Variants in RABEP1 observed in about 807,000 individuals in gnomAD.
The protein encoded by RABEP1 is rabaptin, RAB GTPase binding effector protein 1.
RABEP1 carries 51 observed loss-of-function variants against 123.4 expected under a neutral mutation model. The observed-to-expected ratio is 0.41, with a 90% CI of 0.33 to 0.52. The LOEUF (loss-of-function observed/expected upper bound fraction) is 0.52. Among genes scored for constraint, RABEP1 ranks in the 20% least tolerant of loss-of-function variants. RABEP1 has a pLI of 0.16. For synonymous variants in RABEP1, 347 were observed against 355.2 expected, an observed-to-expected ratio of 0.98 and a Z score of 0.26; for missense variants, 888 against 996.3, an observed-to-expected ratio of 0.89 and a Z score of 1.46.
intron 15 of RABEP1, among the ~76,000 whole-genome samples, chr17:5,379,015 C>T (rs1911228384): frequency 6.6e-6 from 1 of 152,164 alleles, no homozygotes; most frequent in South Asian, 2.1e-4. Flanking sequence ...CTGCTGATGC[C>T]ACGAGACTTG....
intron 11 of RABEP1, among the ~76,000 whole-genome samples, chr17:5,367,390 G>A (rs962662213): frequency 6.6e-6 from 1 of 151,688 alleles, no homozygotes; most frequent in Non-Finnish European, 1.5e-5. Context: ...TCCTGCCTCA[G>A]CCTCCTGAGT....
intron 1 of RABEP1, among the ~76,000 whole-genome samples, chr17:5,286,292 A>T (rs1044358155): frequency 2.6e-5 from 4 of 152,178 alleles, no homozygotes; most frequent in African/African-American, 9.6e-5. Flanking sequence ...TCAGGCGTTC[A>T]AGACCAGCCT....
intron 8 of RABEP1, among the ~76,000 whole-genome samples, chr17:5,358,749 T>C (rs1909242906): frequency 6.6e-6 from 1 of 152,076 alleles, no homozygotes; most frequent in African/African-American, 2.4e-5. Context: ...TAGTCTGATG[T>C]GGGGTCTTTT....
chr17:5,371,068 G>A (rs1441529438), intron 12 of RABEP1, among the ~76,000 whole-genome samples: 1 of 151,856 alleles, frequency 6.6e-6, no homozygotes, highest in Non-Finnish European at 1.5e-5. Flanking sequence ...CCGGGCTCAC[G>A]CCATTCTCCT....
At chr17:5,357,725 T>C (rs894280368) in intron 8 of RABEP1, among the ~76,000 whole-genome samples, 1 of 152,108 alleles carries the variant, frequency 6.6e-6, no homozygotes, top group African/African-American at 2.4e-5. Flanking sequence ...GGGAGTTCAA[T>C]GCCCCTGAAA....
Position 5,354,434 on chromosome 17 carries a change from C to T in RABEP1, c.1039C>T (p.Pro347Ser). ...AGATGTTGAGGAAGAAATAAAAATA[C>T]CAGTAGTGTGTGCTTTAACTCAAGA... ...KADVEEEIKIPVVCALTQEES... is the reference protein window; with the variant it reads ...KADVEEEIKISVVCALTQEES... Residue 347 changes from proline (P) to serine (S), a missense_variant, in exon 8 of 18, where the codon CCA becomes TCA. Pro to Ser is a moderately conservative substitution (Grantham distance 74, BLOSUM62 -1). Transcript: ENST00000537505. 6.2e-7 allele frequency: 1 copy of T among 1,612,850 alleles called. No homozygotes were observed. Among genetic ancestry groups the T allele is most frequent in the Non-Finnish European group, 8.5e-7 (1 of 1,179,344 alleles).
In RABEP1 at chr17:5,284,759, T is replaced by C. The variant is rs1189932132; in HGVS notation, c.34+2239T>C. Reference sequence around the variant, plus strand: ...AGGATTGTAGGTGTGAGCCCGTGAGTCCGGCTTTTGGGGATTTAATTTGTG... The same window carrying C: ...AGGATTGTAGGTGTGAGCCCGTGAGCCCGGCTTTTGGGGATTTAATTTGTG... On this transcript the variant is annotated intron_variant, in intron 1 of 17. Transcript: ENST00000537505. 2.0e-5 allele frequency among the ~76,000 whole-genome samples: 3 copies of C among 151,976 alleles called. No individual in the cohort carries two copies. In the East Asian group the frequency reaches 5.8e-4, roughly 29 times the overall value.
chr17:5,324,791 A>G (rs1905808405), intron 2 of RABEP1, among the ~76,000 whole-genome samples: 1 of 152,210 alleles, frequency 6.6e-6, no homozygotes. Context: ...GGTATGTGAA[A>G]AGATGCTCAA....
chr17:5,289,837 T>G lies in RABEP1; in HGVS notation c.34+7317T>G, dbSNP rs554390680. Reference sequence around the variant, plus strand: ...CCTTTGAACTAGCAGAGATACTTAATCTGAAAAACAAAAGCCCTGCACTTA... The same window carrying G: ...CCTTTGAACTAGCAGAGATACTTAAGCTGAAAAACAAAAGCCCTGCACTTA... On this transcript the variant is annotated intron_variant, in intron 1 of 17. Transcript: ENST00000537505. Among the ~76,000 whole-genome samples, 583 of 152,292 alleles carry G rather than the reference T, an allele frequency of 3.8e-3. 2 individuals carry two copies. The highest frequency in any genetic ancestry group is 0.013 in the African/African-American group (554 of 41,574).
chr17:5,363,376 C>T lies in RABEP1; in HGVS notation c.1668+360C>T, dbSNP rs565810606. Among the ~76,000 whole-genome samples the T allele has an allele frequency of 5.3e-5, 8 of 152,032 alleles. No homozygotes were observed. In the South Asian group the frequency reaches 1.7e-3, roughly 32 times the overall value. ...CTGGGATTACAGGGACACGCCACCACCCCCAGCTATTTTTTGTATTTTTAG... is the reference window on the plus strand; with the variant it reads ...CTGGGATTACAGGGACACGCCACCATCCCCAGCTATTTTTTGTATTTTTAG... On this transcript the variant is annotated intron_variant, in intron 10 of 17. Transcript: ENST00000537505.
rs1418378748 is a variant in RABEP1 at position 5,383,497 on chromosome 17, T to C, written c.*274T>C. 5 of 399,568 alleles carry C rather than the reference T, an allele frequency of 1.3e-5. No homozygotes were observed. Among genetic ancestry groups the C allele is most frequent in the Non-Finnish European group, 2.3e-5 (5 of 217,854 alleles). 24.8% of individuals were successfully genotyped at this position (399,568 alleles called of 1,614,324 possible). A position where few individuals can be genotyped will look rare whatever the true frequency, so the allele number is the denominator to read the frequency against. On this transcript the variant is annotated 3_prime_UTR_variant, in exon 18 of 18. Coordinates refer to ENST00000537505, the MANE Select transcript of RABEP1 (RefSeq NM_004703.6). ...TCAGATTTGGTGATGGAAAAAGCGCTGTTTCCTTGCCTGCTTTCTCCAAGA... is the reference window on the plus strand; with the variant it reads ...TCAGATTTGGTGATGGAAAAAGCGCCGTTTCCTTGCCTGCTTTCTCCAAGA...
chr17:5,351,886 G>T (rs1908585506), intron 7 of RABEP1, among the ~76,000 whole-genome samples: 1 of 151,474 alleles, frequency 6.6e-6, no homozygotes, highest in Admixed American at 6.6e-5. Context: ...AGTGTAGATG[G>T]ATGCACCATA....
intron 13 of RABEP1, among the ~76,000 whole-genome samples, chr17:5,376,514 AAAAG>A (rs763473805): frequency 1.3e-5 from 2 of 152,204 alleles, no homozygotes; most frequent in African/African-American, 2.4e-5. Flanking sequence ...AAGGATTTCT[AAAAG>A]AAGACAGAAC....
intron 16 of RABEP1, 105 bp from the exon 17 acceptor site, chr17:5,381,284 T>A: frequency 1.3e-6 from 2 of 1,505,480 alleles, no homozygotes; most frequent in Non-Finnish European, 1.8e-6. Flanking sequence ...GCGACGGATA[T>A]CCACCCACCT....
At chr17:5,344,061 A>G (rs887136550) in intron 5 of RABEP1, among the ~76,000 whole-genome samples, 1 of 152,084 alleles carries the variant, frequency 6.6e-6, no homozygotes, top group African/African-American at 2.4e-5. Context: ...GTTCTTTGTT[A>G]AAAGATACTA....
chr17:5,311,689 C>T lies in RABEP1; in HGVS notation c.163+2867C>T, dbSNP rs1168554865. Among the ~76,000 whole-genome samples the T allele has an allele frequency of 3.3e-5, 3 of 90,308 alleles. No individual in the cohort carries two copies. The Admixed American group carries it at 5.7e-4, about 17-fold the overall frequency. 59.2% of individuals were successfully genotyped at this position (90,308 alleles called of 152,430 possible). ...CCATCCAGCCTGGGTGACAGAGCGACTTCATCTCAAAAAAAAAAAAAAAAA... is the reference window on the plus strand; with the variant it reads ...CCATCCAGCCTGGGTGACAGAGCGATTTCATCTCAAAAAAAAAAAAAAAAA... On this transcript the variant is annotated intron_variant, in intron 2 of 17. Coordinates refer to ENST00000537505, the MANE Select transcript of RABEP1 (RefSeq NM_004703.6).
At chr17:5,304,039 A>AT (rs899826012) in intron 1 of RABEP1, among the ~76,000 whole-genome samples, 13 of 131,590 alleles carry the variant, frequency 9.9e-5, no homozygotes, top group Middle Eastern at 3.9e-3. Flanking sequence ...CATCTCAAAA[A>AT]AAAAAAATAA....
chr17:5,318,518 G>A (rs1004041674), intron 2 of RABEP1, among the ~76,000 whole-genome samples: 3 of 152,124 alleles, frequency 2.0e-5, no homozygotes, highest in Non-Finnish European at 4.4e-5. Flanking sequence ...GATAATATAA[G>A]AAAATTATGG....
At chr17:5,306,498 T>A (rs986397679) in intron 1 of RABEP1, among the ~76,000 whole-genome samples, 8 of 151,872 alleles carry the variant, frequency 5.3e-5, no homozygotes, top group African/African-American at 1.9e-4. Flanking sequence ...CGTGGTGGCA[T>A]GTGCCTGTAC....
Sources: gnomAD v4.1 joint callset for allele counts (sites outside exome capture counted in the v4.1 genomes callset) on GRCh38, gnomAD v4.1.1 for gene constraint, MANE v1.5 for transcripts, NCBI Gene and HGNC (gene_info 2026-07-23, HGNC 2026-07-21) for gene names.